NPTN: variants seen among roughly 807,000 people sequenced by gnomAD.
NPTN encodes the protein neuroplastin, also known as SDR-1.
A neutral mutation model predicts 42.7 loss-of-function variants in NPTN; 5 were observed. The observed-to-expected ratio is 0.12, with a 90% CI of 0.06 to 0.25. The LOEUF (loss-of-function observed/expected upper bound fraction) is 0.25. Ranked by LOEUF, NPTN falls within the 10% of genes least tolerant of loss-of-function variation. The probability of loss-of-function intolerance (pLI) is 1.00; values close to 1 mark genes in which losing one functional copy is unlikely to be tolerated. For synonymous variants in NPTN, 180 were observed against 201.9 expected, an observed-to-expected ratio of 0.89 and a Z score of 0.92; for missense variants, 307 against 525.4, an observed-to-expected ratio of 0.58 and a Z score of 4.06.
intron 3 of NPTN, among the ~76,000 whole-genome samples, chr15:73,590,909 T>G (rs969483311): frequency 6.6e-6 from 1 of 152,218 alleles, no homozygotes; most frequent in African/African-American, 2.4e-5. Flanking sequence ...TTCTAATTTT[T>G]TTTTTTATCA....
chr15:73,587,448 G>A (rs1896373464), intron 4 of NPTN, 76 bp downstream of exon 4: 1 of 999,356 alleles, frequency 1.0e-6, no homozygotes, highest in African/African-American at 1.6e-5. Flanking sequence ...GGAGCTTGAA[G>A]ACTGGGACTC....
rs200894810 is a variant in NPTN at position 73,633,105 on chromosome 15, G to T, written c.91+20C>A. ...GCGCCCCTCAACCCCCGCCCGGCCC[G>T]CCCCCGGCGCCCCGCTTACCGTTCT... On this transcript the variant is annotated intron_variant, in intron 1 of 8. Coordinates refer to ENST00000345330, the MANE Select transcript of NPTN (RefSeq NM_012428.4). The T allele has an allele frequency of 2.4e-5, 30 of 1,257,502 alleles. No homozygotes were observed. The highest frequency in any genetic ancestry group is 3.1e-5 in the Non-Finnish European group (29 of 936,208). The allele number at this position is 1,257,502 out of a possible 1,614,324, so 77.9% of individuals were successfully genotyped here. A position where few individuals can be genotyped will look rare whatever the true frequency, so the allele number is the denominator to read the frequency against.
chr15:73,610,769 C>A (rs532783495), intron 1 of NPTN, among the ~76,000 whole-genome samples: 3 of 152,200 alleles, frequency 2.0e-5, no homozygotes, highest in Admixed American at 6.5e-5. Context: ...CCTTCTGGTC[C>A]CCTCCAGTAT....
At chr15:73,592,389 G>C (rs896439848) in intron 2 of NPTN, among the ~76,000 whole-genome samples, 1 of 152,144 alleles carries the variant, frequency 6.6e-6, no homozygotes, top group Non-Finnish European at 1.5e-5. Flanking sequence ...GGAGTATTAC[G>C]GGTGCTTGTA....
At chr15:73,633,096 G>A in intron 1 of NPTN, 29 bp downstream of exon 1, 1 of 1,006,682 alleles carries the variant, frequency 9.9e-7, no homozygotes, top group Non-Finnish European at 1.4e-6. Context: ...CTCAACCCCC[G>A]CCCGGCCCGC....
At chr15:73,615,482 A>C (rs1459361354) in intron 1 of NPTN, among the ~76,000 whole-genome samples, 1 of 152,164 alleles carries the variant, frequency 6.6e-6, no homozygotes, top group Non-Finnish European at 1.5e-5. Context: ...CAGAGCTTGC[A>C]ATCACTACAC....
chr15:73,565,756 G>C, intron 6 of NPTN: 1 of 456,480 alleles, frequency 2.2e-6, no homozygotes, highest in South Asian at 1.5e-5. Context: ...TCCACCTTAT[G>C]AGAGTGAAGT....
At chr15:73,605,223 T>C (rs1216464496) in intron 1 of NPTN, among the ~76,000 whole-genome samples, 1 of 152,060 alleles carries the variant, frequency 6.6e-6, no homozygotes. Context: ...GGATGTCTAC[T>C]GGACTGACTG....
chr15:73,618,728 C>T (rs945764741), intron 1 of NPTN, among the ~76,000 whole-genome samples: 5 of 152,106 alleles, frequency 3.3e-5, no homozygotes, highest in South Asian at 2.1e-4. Flanking sequence ...TCCCACTACT[C>T]GGGAGGCTGG....
chr15:73,601,862 T>C (rs577222671), intron 1 of NPTN, among the ~76,000 whole-genome samples: 1 of 151,920 alleles, frequency 6.6e-6, no homozygotes, highest in African/African-American at 2.4e-5. Flanking sequence ...CTGGAGGGGG[T>C]AGCAGGCAGA....
At chr15:73,620,517 C>T (rs1297200735) in intron 1 of NPTN, among the ~76,000 whole-genome samples, 1 of 152,186 alleles carries the variant, frequency 6.6e-6, no homozygotes, top group Non-Finnish European at 1.5e-5. Flanking sequence ...GGATTTGCAA[C>T]ATCCCACAAA....
chr15:73,565,447 A>G (rs528802817), intron 6 of NPTN, among the ~76,000 whole-genome samples: 2 of 152,266 alleles, frequency 1.3e-5, no homozygotes, highest in African/African-American at 2.4e-5. Flanking sequence ...TGAATGAAGT[A>G]AACTTGAAGA....
chr15:73,593,384 AC>A (rs1297255291), intron 2 of NPTN, among the ~76,000 whole-genome samples: 1 of 152,148 alleles, frequency 6.6e-6, no homozygotes, highest in Non-Finnish European at 1.5e-5. Flanking sequence ...TTTCCCAACC[AC>A]AATAAGAGGT....
chr15:73,588,595 A>T (rs986009652), intron 3 of NPTN, among the ~76,000 whole-genome samples: 14 of 152,058 alleles, frequency 9.2e-5, no homozygotes, highest in Admixed American at 9.2e-4. Flanking sequence ...TTTTCAATGC[A>T]CCAAGCTTGT....
chr15:73,613,569 TA>T (rs1468338445), intron 1 of NPTN, among the ~76,000 whole-genome samples: 2 of 151,216 alleles, frequency 1.3e-5, no homozygotes, highest in South Asian at 2.1e-4. Flanking sequence ...AAACTCTGGT[TA>T]AAAAAAAACA....
At chr15:73,588,570 T>A (rs1896431806) in intron 3 of NPTN, among the ~76,000 whole-genome samples, 2 of 152,350 alleles carry the variant, frequency 1.3e-5, no homozygotes, top group African/African-American at 4.8e-5. Flanking sequence ...CCAGATCTTC[T>A]GGTCTCTCTT....
Position 73,633,258 on chromosome 15 carries a change from AGCCGGGGCCGGG to A in NPTN, c.-55_-44del. ...CCAACAGCGAATGGGCCGGGGCCAG[AGCCGGGGCCGGG>A]GAAGGGAGGGGAGGGAGGGAGGGGG... On this transcript the variant is annotated 5_prime_UTR_variant, in exon 1 of 9. Transcript: ENST00000345330. The A allele has an allele frequency of 1.1e-6, 1 of 911,592 alleles. No individual in the cohort carries two copies. The highest frequency in any genetic ancestry group is 1.6e-6 in the Non-Finnish European group (1 of 629,404). 56.5% of individuals were successfully genotyped at this position (911,592 alleles called of 1,614,324 possible).
At chr15:73,589,643 C>T (rs772543283) in intron 3 of NPTN, among the ~76,000 whole-genome samples, 3 of 152,038 alleles carry the variant, frequency 2.0e-5, no homozygotes, top group African/African-American at 2.4e-5. Context: ...TATTTAATGT[C>T]TAAGAAAAAC....
intron 1 of NPTN, among the ~76,000 whole-genome samples, chr15:73,618,053 AC>A (rs1434568737): frequency 6.6e-6 from 1 of 152,206 alleles, no homozygotes; most frequent in East Asian, 1.9e-4. Flanking sequence ...ACAACGTTTC[AC>A]GTATGCTACT....
Sources: gnomAD v4.1 joint callset for allele counts (sites outside exome capture counted in the v4.1 genomes callset) on GRCh38, gnomAD v4.1.1 for gene constraint, MANE v1.5 for transcripts, NCBI Gene and HGNC (gene_info 2026-07-23, HGNC 2026-07-21) for gene names.